Variants in GPRC5B observed in about 807,000 individuals in gnomAD.
GPRC5B encodes the protein G protein-coupled receptor family C group 5 member B.
Under a neutral mutation model 30.1 loss-of-function variants are expected in GPRC5B, and 16 were observed. The ratio of observed to expected loss-of-function variants is 0.53; its 90% CI spans 0.36 to 0.81. GPRC5B has a LOEUF of 0.81. Ranked by LOEUF, GPRC5B falls within the 30% of genes least tolerant of loss-of-function variation. GPRC5B has a pLI of 0.01. For missense variants in GPRC5B, 428 were observed against 544.7 expected (o/e 0.79, Z 2.13); for synonymous variants, 241 against 239.5 (o/e 1.01, Z -0.06).
chr16:19,866,904 C>T (rs542026611), intron 2 of GPRC5B, among the ~76,000 whole-genome samples: 72 of 152,334 alleles, frequency 4.7e-4, no homozygotes, highest in East Asian at 1.5e-3. Flanking sequence ...ATCATCCCCG[C>T]GCCAGCCCCA....
chr16:19,860,661 G>T, intron 3 of GPRC5B, 117 bp from the exon 4 acceptor site: 1 of 643,470 alleles, frequency 1.6e-6, no homozygotes, highest in Non-Finnish European at 2.8e-6. Flanking sequence ...ACCTAGATGG[G>T]TCGAATAATT....
chr16:19,872,374 C>A lies in GPRC5B; in HGVS notation c.472G>T (p.Ala158Ser), dbSNP rs370548065. The change falls in exon 2 of 4, where the codon GCG becomes TCG. Residue 158 changes from alanine (A) to serine (S), a missense_variant. By Grantham distance (99) the Ala-to-Ser change is moderately conservative. Transcript: ENST00000300571. The surrounding 1 kb of genome is among the most constrained non-coding windows in gnomAD (Gnocchi z 5.0). ...GCCAGGCCCACCAGCTGCCAGCCCG[C>A]GGGGCCCGTGCCATGCCGCACCAGC... The part of the protein sequence containing the change: ...RRLVRHGTGP[A>S]GWQLVGLALC... 3 of 1,613,404 alleles carry A rather than the reference C, an allele frequency of 1.9e-6. No homozygotes were observed. The highest frequency in any genetic ancestry group is 2.5e-6 in the Non-Finnish European group (3 of 1,179,714).
chr16:19,857,478 G>T lies in GPRC5B; in HGVS notation c.*3022C>A. ...AGTATGCAACAGTCAGCCGGGGGAA[G>T]ATAAAGGTACATTATAAAACACACA... On this transcript the variant is annotated 3_prime_UTR_variant, in exon 4 of 4. Transcript: ENST00000300571. 2.3e-6 allele frequency: 1 copy of T among 436,526 alleles called. No homozygotes were observed. Among genetic ancestry groups the T allele is most frequent in the African/African-American group, 2.1e-5 (1 of 48,646 alleles). 27.0% of individuals were successfully genotyped at this position (436,526 alleles called of 1,614,324 possible).
chr16:19,869,460 C>T (rs2056695514), intron 2 of GPRC5B, among the ~76,000 whole-genome samples: 2 of 151,900 alleles, frequency 1.3e-5, no homozygotes, highest in Admixed American at 6.6e-5. Context: ...CTTCAAAGAA[C>T]CGAGAAAGGG....
chr16:19,884,954 G>A (rs1306734081), upstream of GPRC5B: 5 of 862,112 alleles, frequency 5.8e-6, no homozygotes, highest in African/African-American at 1.8e-5. Context: ...CCCGCCCCCG[G>A]GCCTCCGAGC....
In GPRC5B at chr16:19,859,606, A is replaced by C. The variant is rs1597620999; in HGVS notation, c.*894T>G. ...CAACCTGCCTCCCGGAGGGGCTTTCAGCTGGAGACCCCATTGGAGCTCTTG... is the reference window on the plus strand; with the variant it reads ...CAACCTGCCTCCCGGAGGGGCTTTCCGCTGGAGACCCCATTGGAGCTCTTG... On this transcript the variant is annotated 3_prime_UTR_variant, in exon 4 of 4. Transcript: ENST00000300571. 1 of 152,314 alleles carries C rather than the reference A, an allele frequency of 6.6e-6. No individual in the cohort carries two copies. Among genetic ancestry groups the C allele is most frequent in the East Asian group, 1.9e-4 (1 of 5,192 alleles). The allele number at this position is 152,314 out of a possible 1,614,324, so 9.4% of individuals were successfully genotyped here.
Position 19,872,729 on chromosome 16 carries a change from C to A in GPRC5B, c.117G>T (p.Leu39=), listed in dbSNP as rs765725104. ...ENASTSRGCG[L]DLLPQYVSLC... ...GGGACACGTACTGAGGGAGGAGGTC[C>A]AGCCCACAGCCTCGGGATGTGCTGG... Residue 39 remains leucine, a synonymous_variant, in exon 2 of 4, where the codon CTG becomes CTT. Coordinates refer to ENST00000300571, the MANE Select transcript of GPRC5B (RefSeq NM_016235.3). This position sits in a 1 kb window ranked among gnomAD's most constrained non-coding sequence, Gnocchi z 5.0. 8.1e-6 allele frequency: 13 copies of A among 1,613,826 alleles called. No individual in the cohort carries two copies. Among genetic ancestry groups the A allele is most frequent in the Non-Finnish European group, 8.5e-6 (10 of 1,180,032 alleles).
intron 3 of GPRC5B, 90 bp downstream of exon 3, chr16:19,861,747 C>T: frequency 1.8e-6 from 2 of 1,107,058 alleles, no homozygotes; most frequent in South Asian, 1.4e-5. Flanking sequence ...CATGGGCAGC[C>T]TCCATGGAGG....
chr16:19,860,444 C>G lies in GPRC5B; in HGVS notation c.*56G>C, dbSNP rs2056611742. ...ACCGATTTCTCCCTCAAGAAAGACACAGCCAGGGAGGCAAATCGGTAAGAG... is the reference window on the plus strand; with the variant it reads ...ACCGATTTCTCCCTCAAGAAAGACAGAGCCAGGGAGGCAAATCGGTAAGAG... On this transcript the variant is annotated 3_prime_UTR_variant, in exon 4 of 4. Coordinates refer to ENST00000300571, the MANE Select transcript of GPRC5B (RefSeq NM_016235.3). The G allele has an allele frequency of 1.8e-6, 2 of 1,107,806 alleles. No individual in the cohort carries two copies. The highest frequency in any genetic ancestry group is 1.4e-6 in the Non-Finnish European group (1 of 723,174). 68.6% of individuals were successfully genotyped at this position (1,107,806 alleles called of 1,614,324 possible).
At chr16:19,874,456 C>A (rs1203319942) in intron 1 of GPRC5B, among the ~76,000 whole-genome samples, 5 of 152,204 alleles carry the variant, frequency 3.3e-5, no homozygotes, top group African/African-American at 9.7e-5. Context: ...CCTTCCCTTC[C>A]TCCTGTCCTC....
Position 19,868,920 on chromosome 16 carries a change from C to T in GPRC5B, c.1030+2896G>A, listed in dbSNP as rs952289600. Among the ~76,000 whole-genome samples the T allele has an allele frequency of 5.9e-5, 9 of 152,150 alleles. No homozygotes were observed. In the South Asian group the frequency reaches 1.0e-3, roughly 17 times the overall value. On this transcript the variant is annotated intron_variant, in intron 2 of 3. Transcript: ENST00000300571. ...GGGAATCATGACAATCTGAAGTCCT[C>T]GGACAAGTCATTTAATTCTCAGAGC...
intron 2 of GPRC5B, among the ~76,000 whole-genome samples, chr16:19,867,620 A>C (rs2056677824): frequency 6.6e-6 from 1 of 152,228 alleles, no homozygotes; most frequent in Non-Finnish European, 1.5e-5. Flanking sequence ...AGAATCTGAC[A>C]AAGCCATAGA....
chr16:19,874,955 C>T (rs1051529853), intron 1 of GPRC5B, among the ~76,000 whole-genome samples: 1 of 150,964 alleles, frequency 6.6e-6, no homozygotes, highest in Admixed American at 6.6e-5. Context: ...TGCTTGTTTC[C>T]TGGCCTCTCA....
intron 2 of GPRC5B, among the ~76,000 whole-genome samples, chr16:19,862,835 T>C (rs2056638270): frequency 6.6e-6 from 1 of 152,196 alleles, no homozygotes; most frequent in African/African-American, 2.4e-5. Context: ...AAGAATCGCT[T>C]GAACCCGGGA....
chr16:19,869,990 G>C (rs2056701604), intron 2 of GPRC5B, among the ~76,000 whole-genome samples: 1 of 152,146 alleles, frequency 6.6e-6, no homozygotes, highest in Admixed American at 6.5e-5. Flanking sequence ...TGGGAGGACT[G>C]CTTGGGCCCA....
chr16:19,864,756 G>T (rs1208194808), intron 2 of GPRC5B, among the ~76,000 whole-genome samples: 2 of 152,324 alleles, frequency 1.3e-5, no homozygotes, highest in Admixed American at 6.5e-5. Context: ...AATACAAGCT[G>T]GCTGAGGTCA....
chr16:19,863,597 C>T (rs1389293784), intron 2 of GPRC5B, among the ~76,000 whole-genome samples: 1 of 150,080 alleles, frequency 6.7e-6, no homozygotes, highest in East Asian at 2.0e-4. Flanking sequence ...TGCCAGATTC[C>T]AGCGATTCTC....
chr16:19,885,501 CCG>C, upstream of GPRC5B: 1 of 1,130,806 alleles, frequency 8.8e-7, no homozygotes, highest in Non-Finnish European at 1.1e-6. The surrounding 1 kb of genome is among the most constrained non-coding windows in gnomAD (Gnocchi z 5.3). Flanking sequence ...GGACCAACAC[CCG>C]CTTCCTTGGC....
At chr16:19,883,718 G>A (rs1032547114) in intron 1 of GPRC5B, among the ~76,000 whole-genome samples, 1 of 152,260 alleles carries the variant, frequency 6.6e-6, no homozygotes, top group African/African-American at 2.4e-5. Context: ...GCCTTTGTCC[G>A]CGCTCCAAGG....
Sources: gnomAD v4.1 joint callset for allele counts (sites outside exome capture counted in the v4.1 genomes callset) on GRCh38, gnomAD v4.1.1 for gene constraint, Gnocchi (gnomAD v3.1) non-coding constraint, MANE v1.5 for transcripts, NCBI Gene and HGNC (gene_info 2026-07-23, HGNC 2026-07-21) for gene names.